The following ARHGEF10L variants were observed in gnomAD, a reference collection of about 807,000 sequenced individuals.
The protein encoded by ARHGEF10L is rho guanine nucleotide exchange factor 10-like protein.
Under a neutral mutation model 141.2 loss-of-function variants are expected in ARHGEF10L, and 69 were observed. The observed-to-expected ratio is 0.49, with a 90% CI of 0.40 to 0.60. The LOEUF is 0.60. Ranked by LOEUF, ARHGEF10L falls within the 20% of genes least tolerant of loss-of-function variation. The pLI is 0.00. For missense variants in ARHGEF10L, 1,482 were observed against 1,734.3 expected (o/e 0.85, Z 2.58); for synonymous variants, 711 against 718.5 (o/e 0.99, Z 0.17).
At chr1:17,555,079 G>A (rs570291293) in intron 1 of ARHGEF10L, among the ~76,000 whole-genome samples, 1 of 152,340 alleles carries the variant, frequency 6.6e-6, no homozygotes, top group Admixed American at 6.5e-5. Flanking sequence ...CTAGGTGGAT[G>A]ACTCTGGGCA....
At chr1:17,568,776 A>G (rs192870728) in intron 1 of ARHGEF10L, among the ~76,000 whole-genome samples, 5 of 152,104 alleles carry the variant, frequency 3.3e-5, no homozygotes, top group Non-Finnish European at 1.5e-5. Flanking sequence ...GGGAAAGAGG[A>G]CGGGTGTTTG....
At chr1:17,525,832 G>A in the ARHGEF10L span, among the ~76,000 whole-genome samples, 4 of 151,442 alleles carry the variant, frequency 2.6e-5, no homozygotes, top group Non-Finnish European at 5.9e-5. Flanking sequence ...GTAAAACCCC[G>A]TCTCTGCTAA....
chr1:17,688,746 C>G (rs2064828339), intron 27 of ARHGEF10L, among the ~76,000 whole-genome samples: 1 of 152,152 alleles, frequency 6.6e-6, no homozygotes. Context: ...CTTCTGGGGC[C>G]ATACTGAGGG....
chr1:17,603,938 G>C lies in ARHGEF10L; in HGVS notation c.433+347G>C, dbSNP rs1020810219. 1.3e-5 allele frequency among the ~76,000 whole-genome samples: 2 copies of C among 152,170 alleles called. No individual in the cohort carries two copies. Among genetic ancestry groups the C allele is most frequent in the African/African-American group, 4.8e-5 (2 of 41,438 alleles). ...AGACGACAGACTGTTACACTCAAAG[G>C]GTGAAGCAGATAAAGCTTTGCAAAG... On this transcript the variant is annotated intron_variant, in intron 6 of 28. Coordinates refer to ENST00000361221, the MANE Select transcript of ARHGEF10L (RefSeq NM_018125.4). This position sits in a 1 kb window ranked among gnomAD's most constrained non-coding sequence, Gnocchi z 4.8.
intron 1 of ARHGEF10L, among the ~76,000 whole-genome samples, chr1:17,552,402 CT>C (rs201491630): frequency 1.8e-4 from 27 of 149,144 alleles, no homozygotes; most frequent in East Asian, 1.4e-3. Flanking sequence ...TTCAATCTAT[CT>C]TTTTTTTTTC....
Position 17,619,697 on chromosome 1 carries a change from C to T in ARHGEF10L, c.942+252C>T, listed in dbSNP as rs1366607606. 1.3e-5 allele frequency among the ~76,000 whole-genome samples: 2 copies of T among 152,120 alleles called. No homozygotes were observed. The highest frequency in any genetic ancestry group is 6.5e-5 in the Admixed American group (1 of 15,274). On this transcript the variant is annotated intron_variant, in intron 10 of 28. Coordinates refer to ENST00000361221, the MANE Select transcript of ARHGEF10L (RefSeq NM_018125.4). This position sits in a 1 kb window ranked among gnomAD's most constrained non-coding sequence, Gnocchi z 5.0. ...GGGCTCCCGGCATCTAGAACGCTTG[C>T]GTCCCCCAACTCCATGGCATGCAGA...
chr1:17,683,709 G>A (rs946507264), intron 26 of ARHGEF10L, among the ~76,000 whole-genome samples: 2 of 152,312 alleles, frequency 1.3e-5, no homozygotes, highest in Admixed American at 6.5e-5. Context: ...CCCCGCTTTG[G>A]GCTCAGCAGG....
In ARHGEF10L at chr1:17,632,479, G is replaced by C. The variant is rs2060752159; in HGVS notation, c.1730+13G>C. ...ACATCAACTTCAAGTAAGTGGGCCT[G>C]GGTTGGAGGGGGCAATCACCCCTCC... On this transcript the variant is annotated intron_variant, in intron 16 of 28. Transcript: ENST00000361221. 5 of 1,613,860 alleles carry C rather than the reference G, an allele frequency of 3.1e-6. No individual in the cohort carries two copies. The highest frequency in any genetic ancestry group is 4.2e-6 in the Non-Finnish European group (5 of 1,179,920).
At chr1:17,513,815 TC>T in the ARHGEF10L span, among the ~76,000 whole-genome samples, 1 of 152,178 alleles carries the variant, frequency 6.6e-6, no homozygotes, top group Non-Finnish European at 1.5e-5. Context: ...CTTTCTTTTT[TC>T]TTTTTTTGAG....
intron 8 of ARHGEF10L, among the ~76,000 whole-genome samples, chr1:17,613,908 C>T (rs1287261302): frequency 6.6e-6 from 1 of 152,222 alleles, no homozygotes; most frequent in Non-Finnish European, 1.5e-5. Flanking sequence ...ATTCACAGTA[C>T]CAGCCCCCAG....
rs182461438 is a variant in ARHGEF10L at position 17,625,753 on chromosome 1, C to T, written c.1318-203C>T. On this transcript the variant is annotated intron_variant, in intron 13 of 28. Transcript: ENST00000361221. The surrounding 1 kb of genome is among the most constrained non-coding windows in gnomAD (Gnocchi z 4.5). ...TGACTGCTTTAGTCTCCTGAGGGTG[C>T]GCGGCCATGCAGGGGCACTGGTGGG... is the stretch of plus-strand genomic sequence containing the variant. Among the ~76,000 whole-genome samples, 7 of 152,256 alleles carry T rather than the reference C, an allele frequency of 4.6e-5. No homozygotes were observed. Among genetic ancestry groups the T allele is most frequent in the Non-Finnish European group, 4.4e-5 (3 of 68,012 alleles).
chr1:17,645,127 G>A (rs1045617117), intron 21 of ARHGEF10L, among the ~76,000 whole-genome samples: 1 of 152,148 alleles, frequency 6.6e-6, no homozygotes, highest in African/African-American at 2.4e-5. Flanking sequence ...ACAGAGCTGG[G>A]TGCTAAATAA....
chr1:17,669,485 G>C (rs1029689942), intron 26 of ARHGEF10L, among the ~76,000 whole-genome samples: 22 of 152,210 alleles, frequency 1.4e-4, no homozygotes, highest in African/African-American at 5.3e-4. Flanking sequence ...GAGGCACAGA[G>C]AGGTTAAGTA....
intron 22 of ARHGEF10L, among the ~76,000 whole-genome samples, chr1:17,651,596 C>T (rs2061940038): frequency 6.6e-6 from 1 of 152,168 alleles, no homozygotes; most frequent in Non-Finnish European, 1.5e-5. Context: ...AAGGCCTCCC[C>T]AAAAGAAACC....
At chr1:17,686,831 A>G (rs1257360956) in intron 26 of ARHGEF10L, among the ~76,000 whole-genome samples, 1 of 152,084 alleles carries the variant, frequency 6.6e-6, no homozygotes, top group Non-Finnish European at 1.5e-5. Flanking sequence ...TTTTAAGATC[A>G]AAATGGTACA....
intron 16 of ARHGEF10L, among the ~76,000 whole-genome samples, chr1:17,633,298 A>G (rs2060811751): frequency 6.6e-6 from 1 of 152,160 alleles, no homozygotes; most frequent in Non-Finnish European, 1.5e-5. Flanking sequence ...TTTTCTAGCC[A>G]GGCTCTTAGG....
intron 4 of ARHGEF10L, among the ~76,000 whole-genome samples, chr1:17,597,991 C>A (rs142876411): frequency 3.9e-5 from 6 of 152,168 alleles, no homozygotes; most frequent in Non-Finnish European, 8.8e-5. Context: ...TCGGTTAAAG[C>A]GTGCTGCAGC....
chr1:17,516,029 A>G, the ARHGEF10L span, among the ~76,000 whole-genome samples: 2 of 152,290 alleles, frequency 1.3e-5, no homozygotes, highest in South Asian at 4.1e-4. Flanking sequence ...AGAGAAGACT[A>G]ACGGCTTGGT....
chr1:17,554,378 G>A (rs1396054818), intron 1 of ARHGEF10L, among the ~76,000 whole-genome samples: 1 of 152,094 alleles, frequency 6.6e-6, no homozygotes, highest in East Asian at 1.9e-4. Flanking sequence ...GGCTGGCAGG[G>A]AGGGAGACAG....
Sources: gnomAD v4.1 joint callset for allele counts (sites outside exome capture counted in the v4.1 genomes callset) on GRCh38, gnomAD v4.1.1 for gene constraint, Gnocchi (gnomAD v3.1) non-coding constraint, MANE v1.5 for transcripts, NCBI Gene and HGNC (gene_info 2026-07-23, HGNC 2026-07-21) for gene names.